The following MANBA variants were observed in gnomAD, a reference collection of about 807,000 sequenced individuals.
The protein encoded by MANBA is mannosidase beta.
MANBA carries 83 observed loss-of-function variants against 111.1 expected under a neutral mutation model. The ratio of observed to expected loss-of-function variants is 0.75; its 90% CI spans 0.63 to 0.90. MANBA has a LOEUF of 0.90. Among genes scored for constraint, MANBA ranks in the 40% least tolerant of loss-of-function variants. The probability of loss-of-function intolerance (pLI) is 0.00; values close to 1 mark genes in which losing one functional copy is unlikely to be tolerated. For synonymous variants in MANBA, 370 were observed against 378.7 expected (o/e 0.98, Z 0.27); for missense variants, 1,036 against 1,069.0 (o/e 0.97, Z 0.43).
intron 1 of MANBA, chr4:102,730,143 T>A: frequency 8.3e-7 from 1 of 1,198,216 alleles, no homozygotes; most frequent in Admixed American, 2.5e-5. Context: ...GGACACCTTG[T>A]AGGACTTCTG....
At chr4:102,728,318 C>A (rs894881511) in intron 1 of MANBA, 2 of 534,736 alleles carry the variant, frequency 3.7e-6, no homozygotes, top group South Asian at 1.4e-5. Context: ...TTTCTGGATG[C>A]TCCTTGGGCC....
At chr4:102,677,214 A>C (rs1036025794) in intron 7 of MANBA, among the ~76,000 whole-genome samples, 1 of 152,222 alleles carries the variant, frequency 6.6e-6, no homozygotes, top group African/African-American at 2.4e-5. Flanking sequence ...GACATTCTCT[A>C]GAAAATGAAT....
At chr4:102,635,147 G>A (rs915430497) in intron 15 of MANBA, 102 bp from the exon 16 acceptor site, 49 of 1,348,108 alleles carry the variant, frequency 3.6e-5, no homozygotes, top group Non-Finnish European at 5.0e-5. Flanking sequence ...AGCAGAAATG[G>A]TTAAGAGACT....
intron 13 of MANBA, among the ~76,000 whole-genome samples, chr4:102,648,517 T>C (rs1730197367): frequency 1.3e-5 from 2 of 152,064 alleles, no homozygotes; most frequent in Admixed American, 1.3e-4. Context: ...TTATATAAAA[T>C]GTTGAGAAAA....
intron 1 of MANBA, among the ~76,000 whole-genome samples, chr4:102,739,944 G>A (rs1723342976): frequency 6.6e-6 from 1 of 152,280 alleles, no homozygotes; most frequent in South Asian, 2.1e-4. Context: ...CATGGCCAGA[G>A]CAATCAGACA....
At position 102,634,909 on chromosome 4, in the gene MANBA, G is replaced by C; in HGVS notation, c.2294C>G (p.Thr765Arg). The change falls in exon 16 of 17, where the codon ACA (threonine) becomes AGA (arginine). Residue 765 changes from threonine (T) to arginine (R), a missense_variant. Transcript: ENST00000647097. ...AAAGGAAACCACACAGCTTTCCCGT[G>C]TGCAATTCCCACATCTCCTCAGCAA... is the stretch of plus-strand genomic sequence containing the variant. ...SELLRRCGNC[T>R]RESCVVSFYL... 1 of 1,614,206 alleles carries C rather than the reference G, an allele frequency of 6.2e-7. No individual in the cohort carries two copies. The highest frequency in any genetic ancestry group is 8.5e-7 in the Non-Finnish European group (1 of 1,180,042).
At chr4:102,657,221 G>GA (rs1560752264) in intron 12 of MANBA, among the ~76,000 whole-genome samples, 13 of 96,990 alleles carry the variant, frequency 1.3e-4, no homozygotes, top group Non-Finnish European at 1.5e-4. Context: ...GAGGAGTGGG[G>GA]TGGGGGGGGG....
At position 102,639,719 on chromosome 4, in the gene MANBA, A is replaced by T; in HGVS notation, c.2008T>A (p.Ser670Thr). The T allele has an allele frequency of 6.2e-7, 1 of 1,614,132 alleles. No homozygotes were observed. The highest frequency in any genetic ancestry group is 8.5e-7 in the Non-Finnish European group (1 of 1,180,008). The part of the protein sequence containing the change: ...NDIWQAPSWA[S>T]LEYGGKWKML... The stretch of plus-strand genomic sequence containing the variant: ...AGAACGCTGAAATGCTTACCAAGAG[A>T]AGCCCAGGAAGGAGCTTGCCAGATG... The change falls in exon 14 of 17, where the codon TCT becomes ACT. Residue 670 changes from serine (S) to threonine (T), a missense_variant. Ser to Thr is a moderately conservative substitution (Grantham distance 58, BLOSUM62 1). Coordinates refer to ENST00000647097, the MANE Select transcript of MANBA (RefSeq NM_005908.4).
chr4:102,741,223 A>C (rs1723391495), intron 1 of MANBA, among the ~76,000 whole-genome samples: 1 of 152,214 alleles, frequency 6.6e-6, no homozygotes. Context: ...GGGAAATGGA[A>C]ATCAAAACCA....
chr4:102,729,015 C>T (rs1453733570), intron 1 of MANBA: 7 of 969,110 alleles, frequency 7.2e-6, no homozygotes, highest in South Asian at 2.6e-5. Context: ...GTGGCTATCT[C>T]GATGTCCAGG....
At chr4:102,703,468 T>C (rs1473710317) in intron 5 of MANBA, among the ~76,000 whole-genome samples, 6 of 152,222 alleles carry the variant, frequency 3.9e-5, no homozygotes, top group Admixed American at 3.9e-4. Context: ...AGTCTGCCTT[T>C]GCAGGACTAA....
At chr4:102,698,236 A>G (rs951242370) in intron 5 of MANBA, among the ~76,000 whole-genome samples, 1 of 151,916 alleles carries the variant, frequency 6.6e-6, no homozygotes, top group African/African-American at 2.4e-5. Context: ...GTTTGAGTTC[A>G]TTGTAGATTC....
chr4:102,666,515 C>T (rs1651506213), intron 10 of MANBA: 1 of 152,122 alleles, frequency 6.6e-6, no homozygotes, highest in African/African-American at 2.4e-5. Flanking sequence ...AAAGATTTTT[C>T]CCATGCTTAA....
Position 102,671,814 on chromosome 4 carries a change from A to G in MANBA, c.1113-416T>C, listed in dbSNP as rs1215129722. On this transcript the variant is annotated intron_variant, in intron 8 of 16. Coordinates refer to ENST00000647097, the MANE Select transcript of MANBA (RefSeq NM_005908.4). ...TTTTATGCAATTTCTCCAGCCCAGT[A>G]TTTCTTTCTCTAGTAAATTTCCTTT... 3 of 417,656 alleles carry G rather than the reference A, an allele frequency of 7.2e-6. No individual in the cohort carries two copies. In the East Asian group the frequency reaches 1.1e-4, roughly 15 times the overall value. 25.9% of individuals were successfully genotyped at this position (417,656 alleles called of 1,614,324 possible). A position where few individuals can be genotyped will look rare whatever the true frequency, so the allele number is the denominator to read the frequency against.
Position 102,747,377 on chromosome 4 carries a change from C to T in MANBA, c.177+13341G>A, listed in dbSNP as rs919302856. 6.6e-5 allele frequency among the ~76,000 whole-genome samples: 10 copies of T among 152,248 alleles called. 1 individual carries two copies. The highest frequency in any genetic ancestry group is 5.8e-4 in the East Asian group (3 of 5,172). On this transcript the variant is annotated intron_variant, in intron 1 of 16. Transcript: ENST00000647097. The stretch of plus-strand genomic sequence containing the variant: ...ACTATAGTCTTTTCATGTTCTTCTG[C>T]CTGCTTTTTATTCTGGCTTTGCTGG...
rs1362274518 is a variant in MANBA at position 102,722,968 on chromosome 4, G to A, written c.452C>T (p.Ala151Val). Residue 151 changes from alanine to valine, a missense_variant, in exon 4 of 17, where the codon GCA becomes GTA. By Grantham distance (64) the Ala-to-Val change is moderately conservative. Transcript: ENST00000647097. ...ELRFQSAVLY[A>V]AQQSKAHTRY... ...AGTGTGAGCTTTGCTCTGCTGTGCT[G>A]CATACAACACCGCTGACTGGAAACG... The A allele has an allele frequency of 1.9e-6, 3 of 1,614,058 alleles. No individual in the cohort carries two copies. Among genetic ancestry groups the A allele is most frequent in the Non-Finnish European group, 1.7e-6 (2 of 1,179,914 alleles).
At position 102,760,089 on chromosome 4, in the gene MANBA, T is replaced by TACACACAC. The variant is rs35109830; in HGVS notation, c.177+621_177+628dup. Among the ~76,000 whole-genome samples the TACACACAC allele has an allele frequency of 6.7e-5, 10 of 149,834 alleles. No homozygotes were observed. The South Asian group carries it at 1.5e-3, about 22-fold the overall frequency. Reference sequence around the variant, plus strand: ...CTGTAAATTGGAGACTCCATTGGGATACACACACACACACACACACACGCC... The same window carrying TACACACAC: ...CTGTAAATTGGAGACTCCATTGGGATACACACACACACACACACACACACACACACGCC... On this transcript the variant is annotated intron_variant, in intron 1 of 16. Transcript: ENST00000647097.
At chr4:102,751,899 A>T (rs1560815462) in intron 1 of MANBA, 1 of 609,130 alleles carries the variant, frequency 1.6e-6, no homozygotes, top group East Asian at 3.8e-5. Context: ...GGATCCAACT[A>T]TTCTCTTATG....
intron 13 of MANBA, among the ~76,000 whole-genome samples, chr4:102,648,020 C>T (rs1159603264): frequency 6.6e-6 from 1 of 151,956 alleles, no homozygotes; most frequent in Non-Finnish European, 1.5e-5. Flanking sequence ...AGGCTTTTAC[C>T]TCCTCTCTAA....
Sources: allele counts gnomAD v4.1 joint callset (sites outside exome capture counted in the v4.1 genomes callset), GRCh38; gene constraint gnomAD v4.1.1; transcripts MANE v1.5; gene names NCBI Gene and HGNC (gene_info 2026-07-23, HGNC 2026-07-21).